CCPG1: variants seen among roughly 807,000 people sequenced by gnomAD.
CCPG1 encodes cell cycle progression 1.
CCPG1 carries 46 observed loss-of-function variants against 81.3 expected under a neutral mutation model. The ratio of observed to expected loss-of-function variants is 0.57; its 90% CI spans 0.45 to 0.72. CCPG1 has a LOEUF of 0.72. Ranked by LOEUF, CCPG1 falls within the 30% of genes least tolerant of loss-of-function variation. CCPG1 has a pLI of 0.00. For missense variants in CCPG1, 902 were observed against 937.6 expected (o/e 0.96, Z 0.50); for synonymous variants, 330 against 305.2 (o/e 1.08, Z -0.85).
intron 7 of CCPG1, 65 bp downstream of exon 7, chr15:55,365,123 T>C (rs2056295441): frequency 2.1e-6 from 2 of 942,438 alleles, no homozygotes; most frequent in East Asian, 2.5e-5. Context: ...ATAAGCACAA[T>C]AAGCTCTAAC....
intron 3 of CCPG1, 144 bp downstream of exon 3, chr15:55,385,456 T>G (rs1330706509): frequency 1.9e-6 from 1 of 513,460 alleles, no homozygotes; most frequent in East Asian, 3.4e-5. Context: ...TGTGAGCTAC[T>G]GTGCCCAACC....
intron 5 of CCPG1, 176 bp from the exon 6 acceptor site, chr15:55,372,220 C>T: frequency 1.6e-6 from 1 of 609,772 alleles, no homozygotes; most frequent in South Asian, 2.0e-5. Context: ...AACATAAAGC[C>T]AAAACATAAA....
intron 8 of CCPG1, 109 bp from the exon 9 acceptor site, chr15:55,356,518 GAT>G (rs1343132790): frequency 2.3e-5 from 29 of 1,277,840 alleles, no homozygotes; most frequent in South Asian, 9.3e-5. Flanking sequence ...ACTGATAAAA[GAT>G]ATTAAATATC....
intron 8 of CCPG1, chr15:55,358,991 T>C (rs2056136697): frequency 3.1e-6 from 3 of 978,518 alleles, no homozygotes; most frequent in Non-Finnish European, 3.6e-6. Context: ...ACATTAGAAT[T>C]TGACTTGCTT....
At chr15:55,387,282 T>A (rs945282204) in intron 2 of CCPG1, among the ~76,000 whole-genome samples, 3 of 152,214 alleles carry the variant, frequency 2.0e-5, no homozygotes, top group Admixed American at 6.5e-5. Flanking sequence ...AAGACTCCCA[T>A]AGCTGCCTTG....
chr15:55,368,815 A>C (rs2056385143), intron 6 of CCPG1, among the ~76,000 whole-genome samples: 1 of 152,216 alleles, frequency 6.6e-6, no homozygotes, highest in South Asian at 2.1e-4. Flanking sequence ...GGTATTGTTA[A>C]ATTATTATAA....
rs1041528960 is a variant in CCPG1, at chr15:55,385,252, G to A, written c.175+348C>T. Among the ~76,000 whole-genome samples the A allele has an allele frequency of 1.6e-4, 25 of 152,226 alleles. 1 individual carries two copies. The highest frequency in any genetic ancestry group is 7.2e-4 in the Admixed American group (11 of 15,292). ...ACAATCTCGGCTCACTGCAAACTCC[G>A]CCTCCCAGGTTCAAGCGATTCTCCT... On this transcript the variant is annotated intron_variant, in intron 3 of 8. Transcript: ENST00000442196.
At chr15:55,393,890 C>T (rs190256273) in intron 1 of CCPG1, among the ~76,000 whole-genome samples, 5 of 152,106 alleles carry the variant, frequency 3.3e-5, no homozygotes, top group African/African-American at 1.2e-4. Flanking sequence ...GTATTGAAAC[C>T]CCCACAAATT....
chr15:55,398,675 G>C (rs578194661), intron 1 of CCPG1, among the ~76,000 whole-genome samples: 1 of 151,716 alleles, frequency 6.6e-6, no homozygotes, highest in Non-Finnish European at 1.5e-5. Flanking sequence ...TCTGCTTTCC[G>C]GGTTCAAGAG....
At chr15:55,359,235 A>G (rs2056141566) in intron 8 of CCPG1, 24 of 1,039,844 alleles carry the variant, frequency 2.3e-5, no homozygotes, top group Non-Finnish European at 2.8e-5. Flanking sequence ...CTTTTCATAT[A>G]AACTATAATG....
chr15:55,378,478 AAT>A (rs1193701411), intron 3 of CCPG1, 102 bp from the exon 4 acceptor site: 1 of 630,582 alleles, frequency 1.6e-6, no homozygotes, highest in African/African-American at 1.9e-5. Context: ...ATCTCTTCCT[AAT>A]ATGTTAGGAT....
chr15:55,380,895 T>C (rs960798937), intron 3 of CCPG1, among the ~76,000 whole-genome samples: 1 of 151,800 alleles, frequency 6.6e-6, no homozygotes, highest in Admixed American at 6.6e-5. Context: ...CTCAGCACTT[T>C]GGGAGGCCAA....
intron 8 of CCPG1, chr15:55,358,223 T>C (rs557380558): frequency 1.8e-4 from 55 of 297,800 alleles, no homozygotes; most frequent in African/African-American, 1.1e-3. Context: ...GTAAGATCTA[T>C]AGTAAGAACA....
intron 8 of CCPG1, chr15:55,358,762 C>T (rs2056132437): frequency 1.0e-6 from 1 of 985,256 alleles, no homozygotes; most frequent in Non-Finnish European, 1.2e-6. Flanking sequence ...TCACTTGTCT[C>T]CTCAAGGCAG....
intron 6 of CCPG1, 111 bp from the exon 7 acceptor site, chr15:55,365,420 TTTTTTTTTTTTG>T (rs1356766607): frequency 2.2e-4 from 48 of 222,514 alleles, no homozygotes; most frequent in Middle Eastern, 1.3e-3. Context: ...CTTTTTTTTG[TTTTTTTTTTTTG>T]TTTTTTTTTT....
chr15:55,359,128 T>C lies in CCPG1; in HGVS notation c.2234+411A>G, dbSNP rs961375494. 18 of 982,686 alleles carry C rather than the reference T, an allele frequency of 1.8e-5. No individual in the cohort carries two copies. In the Admixed American group the frequency reaches 3.7e-4, roughly 20 times the overall value. 60.9% of individuals were successfully genotyped at this position (982,686 alleles called of 1,614,324 possible). On this transcript the variant is annotated intron_variant, in intron 8 of 8. Transcript: ENST00000442196. The stretch of plus-strand genomic sequence containing the variant: ...ATTAGAATTATTATATATGAGCTCT[T>C]CTGACTTCAGAGTAAAATTTGTGTT...
chr15:55,389,506 C>T (rs2056872548), intron 1 of CCPG1, 73 bp from the exon 2 acceptor site: 5 of 1,042,004 alleles, frequency 4.8e-6, no homozygotes, highest in Non-Finnish European at 7.5e-6. Flanking sequence ...ATATGTGACA[C>T]TAAGTTTGAA....
In CCPG1 at chr15:55,386,010, G is replaced by T. The variant is rs540278264; in HGVS notation, c.61-296C>A. On this transcript the variant is annotated intron_variant, in intron 2 of 8. Transcript: ENST00000442196. ...TTCCAGAGAATAAGGGTCTAAATTT[G>T]GTTATTTCTATAATAATTTGTTTCT... 3.3e-5 allele frequency among the ~76,000 whole-genome samples: 5 copies of T among 152,122 alleles called. No homozygotes were observed. In the South Asian group the frequency reaches 1.0e-3, roughly 32 times the overall value.
chr15:55,390,396 T>C (rs1031332968), intron 1 of CCPG1, among the ~76,000 whole-genome samples: 1 of 152,146 alleles, frequency 6.6e-6, no homozygotes, highest in African/African-American at 2.4e-5. Context: ...TCTTTTTGTA[T>C]CTGAAACTCC....
Sources: gnomAD v4.1 joint callset for allele counts (sites outside exome capture counted in the v4.1 genomes callset) on GRCh38, gnomAD v4.1.1 for gene constraint, MANE v1.5 for transcripts, NCBI Gene and HGNC (gene_info 2026-07-23, HGNC 2026-07-21) for gene names.